Variants in NKAIN2 observed in about 807,000 individuals in gnomAD.
NKAIN2 encodes sodium/potassium transporting ATPase interacting 2, also known as sodium/potassium-transporting ATPase subunit beta-1-interacting protein 2.
A neutral mutation model predicts 32.6 loss-of-function variants in NKAIN2; 14 were observed. That is an observed-to-expected ratio of 0.43 (90% confidence interval 0.28 to 0.67). NKAIN2 has a LOEUF of 0.67. Ranked by LOEUF, NKAIN2 falls within the 30% of genes least tolerant of loss-of-function variation. The pLI is 0.17. For missense variants in NKAIN2, 198 were observed against 258.3 expected, an observed-to-expected ratio of 0.77 and a Z score of 1.60; for synonymous variants, 80 against 87.2, an observed-to-expected ratio of 0.92 and a Z score of 0.46.
At chr6:124,047,990 A>G (rs9491056) in intron 1 of NKAIN2, among the ~76,000 whole-genome samples, 38,054 of 151,946 alleles carry the variant, frequency 0.25, 6,146 homozygotes, top group African/African-American at 0.46. Flanking sequence ...ATGTATTTGA[A>G]CACTCTCAGA....
chr6:124,705,019 A>C (rs1774985143), intron 4 of NKAIN2, among the ~76,000 whole-genome samples: 1 of 152,060 alleles, frequency 6.6e-6, no homozygotes, highest in South Asian at 2.1e-4. Flanking sequence ...CTTTTCTTTA[A>C]AAAAAGTTTC....
At chr6:124,471,269 A>G (rs1365528690) in intron 3 of NKAIN2, among the ~76,000 whole-genome samples, 1 of 152,204 alleles carries the variant, frequency 6.6e-6, no homozygotes, top group East Asian at 1.9e-4. Context: ...GCCTCAAAAC[A>G]TGAAATTCTA....
At chr6:123,860,675 G>T (rs1267657795) in intron 1 of NKAIN2, among the ~76,000 whole-genome samples, 1 of 152,166 alleles carries the variant, frequency 6.6e-6, no homozygotes, top group African/African-American at 2.4e-5. Flanking sequence ...CCTCCAAAGG[G>T]CTAGGATTAC....
chr6:124,374,101 T>C (rs1421132498), intron 3 of NKAIN2, among the ~76,000 whole-genome samples: 4 of 152,058 alleles, frequency 2.6e-5, no homozygotes, highest in Non-Finnish European at 4.4e-5. Context: ...TGGAAACCAG[T>C]GCTGAAGTAC....
At chr6:124,091,625 C>G (rs548872906) in intron 1 of NKAIN2, among the ~76,000 whole-genome samples, 1 of 152,000 alleles carries the variant, frequency 6.6e-6, no homozygotes, top group South Asian at 2.1e-4. Flanking sequence ...AGCCAGTTAC[C>G]TTCTCTCTTA....
chr6:124,620,034 T>G (rs1231940387), intron 3 of NKAIN2, among the ~76,000 whole-genome samples: 2 of 152,154 alleles, frequency 1.3e-5, no homozygotes, highest in Non-Finnish European at 2.9e-5. Flanking sequence ...AAATTATGTT[T>G]TAAAGCTACC....
intron 1 of NKAIN2, among the ~76,000 whole-genome samples, chr6:123,874,089 G>A (rs1406238028): frequency 6.6e-6 from 1 of 152,118 alleles, no homozygotes; most frequent in African/African-American, 2.4e-5. Context: ...CATTGTCAGA[G>A]ACCATTACAT....
At chr6:124,162,726 A>G (rs1307066302) in intron 1 of NKAIN2, among the ~76,000 whole-genome samples, 4 of 152,096 alleles carry the variant, frequency 2.6e-5, no homozygotes, top group Non-Finnish European at 4.4e-5. Context: ...TGGTAGCCAG[A>G]CAGTGTGAGA....
rs564339083 is a variant in NKAIN2, at chr6:123,965,516, G to C, written c.54+161262G>C. On this transcript the variant is annotated intron_variant, in intron 1 of 6. Transcript: ENST00000368417. ...TACACTCACAGTCCTTATTAGAGTG[G>C]TTAAGACCCTGTGATCTGTATTCAT... Among the ~76,000 whole-genome samples, 261 of 152,178 alleles carry C rather than the reference G, an allele frequency of 1.7e-3. 1 individual carries two copies. The highest frequency in any genetic ancestry group is 6.8e-3 in the Middle Eastern group (2 of 294).
intron 3 of NKAIN2, among the ~76,000 whole-genome samples, chr6:124,573,377 C>T (rs1251386023): frequency 6.6e-6 from 1 of 152,046 alleles, no homozygotes; most frequent in Non-Finnish European, 1.5e-5. Context: ...ATTTTACGCA[C>T]CAAGACCTGC....
At chr6:124,238,093 G>GA (rs920857375) in intron 1 of NKAIN2, among the ~76,000 whole-genome samples, 2 of 151,860 alleles carry the variant, frequency 1.3e-5, no homozygotes, top group Non-Finnish European at 2.9e-5. Flanking sequence ...ATAGAGTAGG[G>GA]AAAAAAGGGT....
chr6:124,288,004 T>C (rs1795638966), intron 2 of NKAIN2, among the ~76,000 whole-genome samples: 1 of 151,638 alleles, frequency 6.6e-6, no homozygotes, highest in African/African-American at 2.4e-5. Flanking sequence ...CCAAACTCAG[T>C]CTCCAAACTA....
chr6:124,382,120 T>A (rs909699306), intron 3 of NKAIN2, among the ~76,000 whole-genome samples: 13 of 43,904 alleles, frequency 3.0e-4, no homozygotes, highest in African/African-American at 1.3e-3. Context: ...CAATTACCCA[T>A]TTTTTTTGCA....
intron 1 of NKAIN2, among the ~76,000 whole-genome samples, chr6:123,875,614 G>A (rs969218640): frequency 5.3e-5 from 8 of 151,950 alleles, no homozygotes; most frequent in Admixed American, 3.9e-4. Context: ...TTTACAAAAC[G>A]TTATTGATAT....
At chr6:124,046,270 C>A (rs1318864308) in intron 1 of NKAIN2, among the ~76,000 whole-genome samples, 1 of 151,828 alleles carries the variant, frequency 6.6e-6, no homozygotes, top group Non-Finnish European at 1.5e-5. Flanking sequence ...AATGATCCTA[C>A]CTAGTTTAAG....
intron 3 of NKAIN2, among the ~76,000 whole-genome samples, chr6:124,392,203 C>T (rs1412939895): frequency 1.3e-5 from 2 of 151,834 alleles, no homozygotes; most frequent in African/African-American, 2.4e-5. Flanking sequence ...ATAATTAGAT[C>T]TTATTCAGGG....
intron 3 of NKAIN2, among the ~76,000 whole-genome samples, chr6:124,628,885 A>ATT (rs1192550686): frequency 6.6e-6 from 1 of 152,184 alleles, no homozygotes; most frequent in African/African-American, 2.4e-5. Flanking sequence ...CTGTACAAAT[A>ATT]TTACTACAAA....
intron 5 of NKAIN2, among the ~76,000 whole-genome samples, chr6:124,807,193 T>G (rs999900392): frequency 5.9e-5 from 9 of 152,216 alleles, no homozygotes; most frequent in African/African-American, 1.7e-4. Context: ...TACATTTTTT[T>G]CAGCACTACA....
chr6:124,490,800 T>C (rs1374812543), intron 3 of NKAIN2, among the ~76,000 whole-genome samples: 1 of 151,824 alleles, frequency 6.6e-6, no homozygotes. Flanking sequence ...TTTTTATGTT[T>C]ATCTTCCTGT....
Sources: allele counts gnomAD v4.1 joint callset (sites outside exome capture counted in the v4.1 genomes callset), GRCh38; gene constraint gnomAD v4.1.1; transcripts MANE v1.5; gene names NCBI Gene and HGNC (gene_info 2026-07-23, HGNC 2026-07-21).